Variants in ANP32A observed in about 807,000 individuals in gnomAD.
ANP32A encodes acidic nuclear phosphoprotein 32 family member A.
In ANP32A, 1 loss-of-function variant was observed where a neutral mutation model predicts 33.9. The observed-to-expected ratio is 0.03, with a 90% CI of 0.01 to 0.14. The LOEUF (loss-of-function observed/expected upper bound fraction) is 0.14, where lower values mean the gene tolerates loss of function less well. ANP32A is among the 10% of genes least tolerant of loss of function. The pLI, the probability that ANP32A is intolerant of heterozygous loss-of-function variation, is 1.00. For synonymous variants in ANP32A, 115 were observed against 120.5 expected (o/e 0.95, Z 0.30); for missense variants, 155 against 306.0 (o/e 0.51, Z 3.68).
intron 4 of ANP32A, among the ~76,000 whole-genome samples, chr15:68,784,001 C>CT (rs1457176042): frequency 6.6e-6 from 1 of 152,154 alleles, no homozygotes; most frequent in Non-Finnish European, 1.5e-5. Flanking sequence ...GGGAGAGTGT[C>CT]TAAGTGCGGG....
intron 1 of ANP32A, among the ~76,000 whole-genome samples, chr15:68,794,157 C>T (rs541699594): frequency 6.6e-6 from 1 of 152,332 alleles, no homozygotes; most frequent in Non-Finnish European, 1.5e-5. Context: ...TGGAAAAAGC[C>T]ACTTGCCTTC....
intron 1 of ANP32A, among the ~76,000 whole-genome samples, chr15:68,803,798 CTTTTTTTTTTTT>C (rs3985625): frequency 6.9e-5 from 7 of 101,156 alleles, no homozygotes; most frequent in Non-Finnish European, 1.1e-4. Context: ...ATTTCACAAA[CTTTTTTTTTTTT>C]TTTTTTTTTT....
intron 1 of ANP32A, among the ~76,000 whole-genome samples, chr15:68,796,308 T>G (rs1894063206): frequency 6.6e-6 from 1 of 152,170 alleles, no homozygotes; most frequent in Non-Finnish European, 1.5e-5. Context: ...CTTCAACTCC[T>G]GACCTCATGT....
intron 1 of ANP32A, among the ~76,000 whole-genome samples, chr15:68,793,810 CG>C (rs1271201394): frequency 5.3e-5 from 8 of 152,216 alleles, no homozygotes; most frequent in African/African-American, 1.9e-4. Context: ...GTGACAGCAG[CG>C]CATTAAACCA....
At position 68,787,785 on chromosome 15, in the gene ANP32A, T is replaced by C. The variant is rs760417859; in HGVS notation, c.189A>G (p.Leu63=). ...GLTSIANLPK[L]NKLKKLELSD... ...CTCTATTTACCTTCTTAAGTTTGTT[T>C]AACTTTGGTAAGTTTGCGATTGAGG... The change falls in exon 2 of 7, where the codon TTA becomes TTG. Residue 63 remains leucine, a synonymous_variant. Coordinates refer to ENST00000465139, the MANE Select transcript of ANP32A (RefSeq NM_006305.4). 2 of 1,614,170 alleles carry C rather than the reference T, an allele frequency of 1.2e-6. No homozygotes were observed. Among genetic ancestry groups the C allele is most frequent in the East Asian group, 4.5e-5 (2 of 44,886 alleles).
At chr15:68,795,491 G>A (rs180802228) in intron 1 of ANP32A, among the ~76,000 whole-genome samples, 223 of 152,338 alleles carry the variant, frequency 1.5e-3, no homozygotes, top group African/African-American at 4.9e-3. Context: ...CTAAGCCGCC[G>A]GCGCGGGGAG....
intron 1 of ANP32A, among the ~76,000 whole-genome samples, chr15:68,815,189 G>C (rs1199570976): frequency 6.6e-6 from 1 of 152,118 alleles, no homozygotes; most frequent in African/African-American, 2.4e-5. Context: ...TATATGGCTT[G>C]CCATTTGCTT....
chr15:68,807,640 C>A (rs1894253543), intron 1 of ANP32A, among the ~76,000 whole-genome samples: 1 of 152,190 alleles, frequency 6.6e-6, no homozygotes, highest in Non-Finnish European at 1.5e-5. Flanking sequence ...AGAATCTAAC[C>A]TTCAGGGTCC....
intron 1 of ANP32A, among the ~76,000 whole-genome samples, chr15:68,803,649 C>G (rs1567038001): frequency 6.6e-6 from 1 of 151,954 alleles, no homozygotes; most frequent in Admixed American, 6.6e-5. Context: ...TTCTTAAGAC[C>G]CTGGCACAGA....
chr15:68,784,297 G>C lies in ANP32A; in HGVS notation c.526+100C>G. On this transcript the variant is annotated intron_variant, in intron 4 of 6. Coordinates refer to ENST00000465139, the MANE Select transcript of ANP32A (RefSeq NM_006305.4). ...AGCCAGCCTTCAGTAGCTGGGTGGG[G>C]GCCTCCCAACACCCAGCCCACCCAC... The C allele has an allele frequency of 2.2e-6, 3 of 1,356,676 alleles. No individual in the cohort carries two copies. The South Asian group carries it at 3.8e-5, about 17-fold the overall frequency. The allele number at this position is 1,356,676 out of a possible 1,614,324, so 84.0% of individuals were successfully genotyped here. A position where few individuals can be genotyped will look rare whatever the true frequency, so the allele number is the denominator to read the frequency against.
At chr15:68,792,914 C>T (rs896575618) in intron 1 of ANP32A, among the ~76,000 whole-genome samples, 2 of 152,170 alleles carry the variant, frequency 1.3e-5, no homozygotes, top group Admixed American at 6.5e-5. Context: ...TTCTCACTGC[C>T]TTGGGAAAAA....
intron 1 of ANP32A, among the ~76,000 whole-genome samples, chr15:68,814,117 C>A (rs1357801053): frequency 2.0e-5 from 3 of 152,108 alleles, no homozygotes; most frequent in African/African-American, 7.2e-5. Context: ...GATCCACCCG[C>A]CTCGGCCTCC....
At position 68,820,889 on chromosome 15, in the gene ANP32A, G is replaced by A; in HGVS notation, c.-138C>T. On this transcript the variant is annotated 5_prime_UTR_variant, in exon 1 of 7. Transcript: ENST00000465139. Reference sequence around the variant, plus strand: ...TTCTCGAGCCCCCAGCACCCGCGGCGCACACTAACCTGATCGCCGTGGAGG... The same window carrying A: ...TTCTCGAGCCCCCAGCACCCGCGGCACACACTAACCTGATCGCCGTGGAGG... 4.8e-6 allele frequency: 5 copies of A among 1,046,808 alleles called. No homozygotes were observed. The highest frequency in any genetic ancestry group is 1.4e-5 in the South Asian group (1 of 72,126). 64.8% of individuals were successfully genotyped at this position (1,046,808 alleles called of 1,614,324 possible).
At chr15:68,809,188 CA>C (rs1479283824) in intron 1 of ANP32A, among the ~76,000 whole-genome samples, 1 of 152,172 alleles carries the variant, frequency 6.6e-6, no homozygotes, top group Non-Finnish European at 1.5e-5. Context: ...TGACACACGG[CA>C]GTGGAGCCTT....
At chr15:68,792,850 TGAG>T (rs1567035725) in intron 1 of ANP32A, among the ~76,000 whole-genome samples, 2 of 152,226 alleles carry the variant, frequency 1.3e-5, no homozygotes. Context: ...AAGGGGATGA[TGAG>T]ATCTGTTTAA....
Position 68,787,771 on chromosome 15 carries a change from T to C in ANP32A, c.203A>G (p.Lys68Arg). 6.5e-7 allele frequency: 1 copy of C among 1,543,336 alleles called. No individual in the cohort carries two copies. The highest frequency in any genetic ancestry group is 9.0e-7 in the Non-Finnish European group (1 of 1,116,794). The change falls in exon 2 of 7, where the codon AAG becomes AGG. Residue 68 changes from lysine (K) to arginine (R), a missense_variant and splice_region_variant. By Grantham distance (26) the Lys-to-Arg change is conservative. Around this residue, in one of 4 missense-constraint regions of ANP32A, gnomAD observed 85 missense variants for 183.8 expected, o/e 0.46. Transcript: ENST00000465139. ...ANLPKLNKLKKLELSDNRVSG... is the reference protein window; with the variant it reads ...ANLPKLNKLKRLELSDNRVSG... ...ACACACAGACTCCACTCTATTTACC[T>C]TCTTAAGTTTGTTTAACTTTGGTAA...
At chr15:68,814,507 G>C (rs948444942) in intron 1 of ANP32A, among the ~76,000 whole-genome samples, 4 of 152,086 alleles carry the variant, frequency 2.6e-5, no homozygotes, top group African/African-American at 9.7e-5. Context: ...AAGCCACCTT[G>C]AGAGGCTGGT....
At chr15:68,802,593 T>A (rs7174042) in intron 1 of ANP32A, among the ~76,000 whole-genome samples, 39 of 152,348 alleles carry the variant, frequency 2.6e-4, no homozygotes, top group African/African-American at 8.7e-4. Flanking sequence ...GGATAAGAGC[T>A]GGAATCAGAT....
At chr15:68,796,128 C>T (rs1894060843) in intron 1 of ANP32A, among the ~76,000 whole-genome samples, 1 of 152,198 alleles carries the variant, frequency 6.6e-6, no homozygotes, top group African/African-American at 2.4e-5. Context: ...GTCACCTAAG[C>T]TGGCGTGCAG....
Sources: allele counts gnomAD v4.1 joint callset (sites outside exome capture counted in the v4.1 genomes callset), GRCh38; gene constraint gnomAD v4.1.1; regional missense constraint gnomAD v4.1.1; transcripts MANE v1.5; gene names NCBI Gene and HGNC (gene_info 2026-07-23, HGNC 2026-07-21).